SLC66A3: variants seen among roughly 807,000 people sequenced by gnomAD.
SLC66A3 encodes PQ loop repeat containing 3.
A neutral mutation model predicts 25.5 loss-of-function variants in SLC66A3; 23 were observed. The observed-to-expected ratio is 0.90, with a 90% CI of 0.65 to 1.28. SLC66A3 has a LOEUF of 1.28. Among genes scored for constraint, SLC66A3 ranks in the 50% most tolerant of loss-of-function variants. The probability of loss-of-function intolerance (pLI) is 0.00; values close to 1 mark genes in which losing one functional copy is unlikely to be tolerated. For synonymous variants in SLC66A3, 108 were observed against 112.6 expected, an observed-to-expected ratio of 0.96 and a Z score of 0.26; for missense variants, 246 against 262.1, an observed-to-expected ratio of 0.94 and a Z score of 0.42.
At chr2:11,157,765 A>G (rs996835792) in intron 1 of SLC66A3, among the ~76,000 whole-genome samples, 9 of 152,224 alleles carry the variant, frequency 5.9e-5, no homozygotes, top group Non-Finnish European at 1.0e-4. Context: ...GAAGGGCAGG[A>G]GCCTCTGCCC....
chr2:11,158,028 G>T (rs1661969303), intron 1 of SLC66A3, among the ~76,000 whole-genome samples: 1 of 152,172 alleles, frequency 6.6e-6, no homozygotes, highest in Non-Finnish European at 1.5e-5. Flanking sequence ...TGCCTTTGGA[G>T]CCCACCCCTT....
At position 11,159,288 on chromosome 2, in the gene SLC66A3, G is replaced by C. The variant is rs555055193; in HGVS notation, c.144-1178G>C. On this transcript the variant is annotated intron_variant, in intron 1 of 6. Transcript: ENST00000295083. ...GGCTCAATCTCCCAGGGGAACAGAG[G>C]GGGCTGCTCAGGAGGCTGGCAGGAG... 3.9e-5 allele frequency among the ~76,000 whole-genome samples: 6 copies of C among 152,308 alleles called. 1 individual carries two copies. The South Asian group carries it at 1.2e-3, about 32-fold the overall frequency.
intron 4 of SLC66A3, among the ~76,000 whole-genome samples, chr2:11,166,756 A>G (rs761640786): frequency 1.3e-5 from 2 of 152,154 alleles, no homozygotes; most frequent in African/African-American, 4.8e-5. Flanking sequence ...TTAGCCATGC[A>G]TGGTGGCGGG....
intron 5 of SLC66A3, among the ~76,000 whole-genome samples, 161 bp from the exon 6 acceptor site, chr2:11,174,805 ACT>A (rs1662678407): frequency 6.6e-6 from 1 of 152,066 alleles, no homozygotes; most frequent in South Asian, 2.1e-4. Flanking sequence ...GTACTACCAA[ACT>A]CTGTCAAGAA....
rs2147984210 is a variant in SLC66A3, at chr2:11,160,519, A to T, written c.197A>T (p.Tyr66Phe). The change falls in exon 2 of 7, where the codon TAC (tyrosine) becomes TTC (phenylalanine). Residue 66 changes from tyrosine (Y) to phenylalanine (F), a missense_variant. Tyr to Phe is a conservative substitution (Grantham distance 22, BLOSUM62 3). This residue lies in a region of SLC66A3 where 142 missense variants were observed against 130.3 expected (regional missense o/e 1.09). Coordinates refer to ENST00000295083, the MANE Select transcript of SLC66A3 (RefSeq NM_152391.5). ...QCYYGYPPLT[Y>F]LEYPILIAQD... The stretch of plus-strand genomic sequence containing the variant: ...TACTATGGGTATCCGCCGCTGACCT[A>T]CCTGGAGTACCCCATCCTCATCGCG... 6.2e-7 allele frequency: 1 copy of T among 1,614,042 alleles called. No homozygotes were observed. Among genetic ancestry groups the T allele is most frequent in the South Asian group, 1.1e-5 (1 of 91,074 alleles).
At chr2:11,167,659 CAAT>C (rs1181668716) in intron 4 of SLC66A3, among the ~76,000 whole-genome samples, 1 of 152,176 alleles carries the variant, frequency 6.6e-6, no homozygotes, top group Non-Finnish European at 1.5e-5. Context: ...TTCACTGACT[CAAT>C]GAGTGTTCCT....
In SLC66A3 at chr2:11,177,877, G is replaced by A. The variant is rs1457907294; in HGVS notation, c.*49G>A. 2 of 1,095,920 alleles carry A rather than the reference G, an allele frequency of 1.8e-6. No homozygotes were observed. Among genetic ancestry groups the A allele is most frequent in the East Asian group, 2.4e-5 (1 of 41,188 alleles). The allele number at this position is 1,095,920 out of a possible 1,614,324, so 67.9% of individuals were successfully genotyped here. On this transcript the variant is annotated 3_prime_UTR_variant, in exon 7 of 7. Transcript: ENST00000295083. ...GTGGATTTTGAGTAACTGAACCAAA[G>A]GAAAAAGAAGCTCTTTGCTAAATTA...
Position 11,163,130 on chromosome 2 carries a change from C to T in SLC66A3, c.297-1074C>T, listed in dbSNP as rs116782815. Among the ~76,000 whole-genome samples the T allele has an allele frequency of 7.6e-3, 1,155 of 152,222 alleles. 6 individuals carry two copies. The highest frequency in any genetic ancestry group is 0.013 in the Non-Finnish European group (885 of 68,008). ...GTGTGGTGTCTCATACCTGTCATCC[C>T]AGCTACTTGGGGAAAGTTACTTGTT... On this transcript the variant is annotated intron_variant, in intron 3 of 6. Transcript: ENST00000295083.
intron 1 of SLC66A3, among the ~76,000 whole-genome samples, chr2:11,159,911 C>G (rs1051629378): frequency 6.6e-6 from 1 of 152,190 alleles, no homozygotes; most frequent in Non-Finnish European, 1.5e-5. Flanking sequence ...CACGCTTTCC[C>G]CCACTGCCCT....
intron 3 of SLC66A3, among the ~76,000 whole-genome samples, chr2:11,161,996 A>T (rs1219846695): frequency 6.6e-6 from 1 of 152,218 alleles, no homozygotes; most frequent in African/African-American, 2.4e-5. Context: ...GTTGGCCTGG[A>T]GCCAGACAGG....
chr2:11,170,413 A>G (rs1426739198), intron 4 of SLC66A3, among the ~76,000 whole-genome samples: 4 of 152,124 alleles, frequency 2.6e-5, no homozygotes, highest in South Asian at 4.1e-4. Flanking sequence ...GCAGAGCAGC[A>G]GGCTTATTTG....
chr2:11,160,444 A>G (rs1274863568), intron 1 of SLC66A3, 22 bp from the exon 2 acceptor site: 2 of 1,611,050 alleles, frequency 1.2e-6, no homozygotes, highest in Non-Finnish European at 1.7e-6. Flanking sequence ...AGCCGTGTGG[A>G]CATGTGCCCT....
At chr2:11,162,141 A>G (rs994261327) in intron 3 of SLC66A3, among the ~76,000 whole-genome samples, 2 of 152,224 alleles carry the variant, frequency 1.3e-5, no homozygotes, top group African/African-American at 4.8e-5. Flanking sequence ...ACAGTCAAGC[A>G]GAGTAAATGA....
intron 4 of SLC66A3, among the ~76,000 whole-genome samples, chr2:11,170,493 G>T (rs1176856547): frequency 6.6e-6 from 1 of 151,282 alleles, no homozygotes; most frequent in Non-Finnish European, 1.5e-5. Flanking sequence ...AGAATAGCCA[G>T]AAATTCAGGG....
intron 3 of SLC66A3, among the ~76,000 whole-genome samples, chr2:11,162,313 G>C (rs73915346): frequency 0.012 from 1,773 of 152,318 alleles, 27 homozygotes; most frequent in African/African-American, 0.039. Flanking sequence ...CAGCTGTACT[G>C]CACCTCAACA....
intron 1 of SLC66A3, among the ~76,000 whole-genome samples, chr2:11,155,907 TG>T: frequency 6.6e-6 from 1 of 152,320 alleles, no homozygotes; most frequent in African/African-American, 2.4e-5. Context: ...AAGCCCCGCG[TG>T]GCACGAATTG....
chr2:11,174,689 C>G (rs553218429), intron 5 of SLC66A3, among the ~76,000 whole-genome samples: 1 of 152,142 alleles, frequency 6.6e-6, no homozygotes, highest in East Asian at 1.9e-4. Context: ...TAGAGACAGA[C>G]AGGGTTTTGC....
intron 4 of SLC66A3, among the ~76,000 whole-genome samples, chr2:11,166,050 T>A (rs1390798304): frequency 2.6e-5 from 4 of 152,062 alleles, no homozygotes; most frequent in African/African-American, 7.2e-5. Flanking sequence ...ATTTTTGTAT[T>A]TTTAGTAGAG....
At chr2:11,159,306 G>A (rs930437644) in intron 1 of SLC66A3, among the ~76,000 whole-genome samples, 2 of 152,208 alleles carry the variant, frequency 1.3e-5, no homozygotes, top group Admixed American at 6.5e-5. Context: ...TCAGGAGGCT[G>A]GCAGGAGGAG....
Sources: allele counts gnomAD v4.1 joint callset (sites outside exome capture counted in the v4.1 genomes callset), GRCh38; gene constraint gnomAD v4.1.1; regional missense constraint gnomAD v4.1.1; transcripts MANE v1.5; gene names NCBI Gene and HGNC (gene_info 2026-07-23, HGNC 2026-07-21).